Variants in FASTKD3 observed in about 807,000 individuals in gnomAD.
The protein encoded by FASTKD3 is FAST kinase domains 3.
In FASTKD3, 47 loss-of-function variants were observed where a neutral mutation model predicts 49.7. The observed-to-expected ratio is 0.95, with a 90% CI of 0.75 to 1.21. FASTKD3 has a LOEUF of 1.21. Ranked by LOEUF, FASTKD3 falls within the 50% of genes most tolerant of loss-of-function variation. FASTKD3 has a pLI of 0.00. For missense variants in FASTKD3, 748 were observed against 765.7 expected, an observed-to-expected ratio of 0.98 and a Z score of 0.27; for synonymous variants, 284 against 288.6, an observed-to-expected ratio of 0.98 and a Z score of 0.16.
At chr5:7,864,443 C>T in intron 3 of FASTKD3, among the ~76,000 whole-genome samples, 1 of 152,012 alleles carries the variant, frequency 6.6e-6, no homozygotes, top group Non-Finnish European at 1.5e-5. Context: ...GACTACAGAA[C>T]ATTTAAAAAT....
In FASTKD3 at chr5:7,860,794, T is replaced by C. The variant is rs187018665; in HGVS notation, c.1884+355A>G. Among the ~76,000 whole-genome samples the C allele has an allele frequency of 6.6e-5, 10 of 152,350 alleles. No homozygotes were observed. The East Asian group carries it at 1.9e-3, about 29-fold the overall frequency. On this transcript the variant is annotated intron_variant, in intron 6 of 6. Coordinates refer to ENST00000264669, the MANE Select transcript of FASTKD3 (RefSeq NM_024091.4). Reference sequence around the variant, plus strand: ...AAAATTTAACTTGGGCTATTTCTTGTAGAAGCTTCTACTACAGAAAAACAG... The same window carrying C: ...AAAATTTAACTTGGGCTATTTCTTGCAGAAGCTTCTACTACAGAAAAACAG...
chr5:7,861,092 A>C, intron 6 of FASTKD3, 57 bp downstream of exon 6: 1 of 1,054,290 alleles, frequency 9.5e-7, no homozygotes, highest in Non-Finnish European at 1.4e-6. Context: ...AACCTGGAAA[A>C]ATAATTTTGA....
Position 7,868,060 on chromosome 5 carries a change from C to T in FASTKD3, c.24G>A (p.Lys8=). The change falls in exon 2 of 7, where the codon AAG becomes AAA. Residue 8 remains lysine, a synonymous_variant. Coordinates refer to ENST00000264669, the MANE Select transcript of FASTKD3 (RefSeq NM_024091.4). The part of the protein sequence containing the change: MALITLR[K]NLYRLSDFQM... ...GAAAATCAGATAAACGATAAAGGTT[C>T]TTCCTCAAGGTGATTAATGCCATAC... is the stretch of plus-strand genomic sequence containing the variant. 2 of 1,611,038 alleles carry T rather than the reference C, an allele frequency of 1.2e-6. No individual in the cohort carries two copies. Among genetic ancestry groups the T allele is most frequent in the Non-Finnish European group, 1.7e-6 (2 of 1,179,014 alleles).
At position 7,867,612 on chromosome 5, in the gene FASTKD3, T is replaced by C; in HGVS notation, c.472A>G (p.Ile158Val). Residue 158 changes from isoleucine to valine, a missense_variant, in exon 2 of 7, where the codon ATC becomes GTC. Physicochemically the swap from Ile to Val is conservative, Grantham distance 29. Transcript: ENST00000264669. ...GLPKEILENS[I>V]FQALCFQFEK... is the part of the protein sequence containing the mutation. Reference sequence around the variant, plus strand: ...AACTGAAAGCATAAAGCTTGAAAGATGCTATTCTCCAGTATTTCTTTTGGC... The same window carrying C: ...AACTGAAAGCATAAAGCTTGAAAGACGCTATTCTCCAGTATTTCTTTTGGC... 1 of 1,614,254 alleles carries C rather than the reference T, an allele frequency of 6.2e-7. No homozygotes were observed. Among genetic ancestry groups the C allele is most frequent in the Admixed American group, 1.7e-5 (1 of 60,036 alleles).
chr5:7,867,342 A>G lies in FASTKD3; in HGVS notation c.742T>C (p.Leu248=), dbSNP rs776326249. 3.1e-6 allele frequency: 5 copies of G among 1,614,062 alleles called. No homozygotes were observed. Among genetic ancestry groups the G allele is most frequent in the Admixed American group, 3.3e-5 (2 of 60,026 alleles). Residue 248 remains leucine (L), a synonymous_variant, in exon 2 of 7, where the codon TTG becomes CTG. Transcript: ENST00000264669. The stretch of plus-strand genomic sequence containing the variant: ...ATATCCTCCGGGGTAAATGTTTCCA[A>G]TTTTTCACCTTGAAGTTGATTTATA... ...LIINQLQGEK[L]ETFTPEDIVA...
rs763580223 is a variant in FASTKD3, at chr5:7,866,620, A to G, written c.1438+26T>C. On this transcript the variant is annotated intron_variant, in intron 2 of 6. Coordinates refer to ENST00000264669, the MANE Select transcript of FASTKD3 (RefSeq NM_024091.4). ...CCAGTTCAAAGGTTACTTTTTTCCA[A>G]CTGTCAGAATTTATAACCAACTCAC... The G allele has an allele frequency of 2.6e-6, 4 of 1,517,694 alleles. 1 individual carries two copies. In the South Asian group the frequency reaches 3.9e-5, roughly 15 times the overall value. 94.0% of individuals were successfully genotyped at this position (1,517,694 alleles called of 1,614,324 possible). A position where few individuals can be genotyped will look rare whatever the true frequency, so the allele number is the denominator to read the frequency against.
chr5:7,860,552 ATTCTGTAT>A (rs760040598), intron 6 of FASTKD3, among the ~76,000 whole-genome samples: 1 of 152,196 alleles, frequency 6.6e-6, no homozygotes, highest in Admixed American at 6.5e-5. Context: ...AGCTCTGAAA[ATTCTGTAT>A]TTCAAAATAT....
chr5:7,862,875 T>C lies in FASTKD3; in HGVS notation c.1647A>G (p.Gly549=), dbSNP rs1033040763. The part of the protein sequence containing the change: ...YVKIGLTNLL[G]ARLYFAPKVL... The stretch of plus-strand genomic sequence containing the variant: ...CTTTTGGAGCAAAATATAATCTTGC[T>C]CCTAAAAGGTTAGTCAGCCCAATCT... Residue 549 remains glycine, a synonymous_variant, in exon 4 of 7, where the codon GGA becomes GGG. Transcript: ENST00000264669. 18 of 1,613,892 alleles carry C rather than the reference T, an allele frequency of 1.1e-5. No individual in the cohort carries two copies. The African/African-American group carries it at 1.6e-4, about 14-fold the overall frequency.
At position 7,859,243 on chromosome 5, in the gene FASTKD3, TATTAA is replaced by T. The variant is rs770372221; in HGVS notation, c.*187_*191del. The T allele has an allele frequency of 1.1e-5, 4 of 372,028 alleles. No homozygotes were observed. The highest frequency in any genetic ancestry group is 1.4e-5 in the Non-Finnish European group (3 of 209,702). 23.0% of individuals were successfully genotyped at this position (372,028 alleles called of 1,614,324 possible). A position where few individuals can be genotyped will look rare whatever the true frequency, so the allele number is the denominator to read the frequency against. On this transcript the variant is annotated 3_prime_UTR_variant, in exon 7 of 7. Coordinates refer to ENST00000264669, the MANE Select transcript of FASTKD3 (RefSeq NM_024091.4). ...GTACAAAAAGTATCTATGACACTAGTATTAAATTAAAATTAATTTTAAATTTTACC... is the reference window on the plus strand; with the variant it reads ...GTACAAAAAGTATCTATGACACTAGTATTAAAATTAATTTTAAATTTTACC...
intron 3 of FASTKD3, 32 bp downstream of exon 3, chr5:7,865,866 G>T: frequency 1.3e-6 from 2 of 1,524,412 alleles, no homozygotes; most frequent in Non-Finnish European, 9.1e-7. Flanking sequence ...CACCCATGGG[G>T]AAATAAAGCC....
In FASTKD3 at chr5:7,866,292, AG is replaced by A. The variant is rs376919617; in HGVS notation, c.1439-310del. Reference sequence around the variant, plus strand: ...GACATATTTGGGTGGCCTTGAATTAAGATGAATAATACCATCCTCTCAAAAA... The same window carrying A: ...GACATATTTGGGTGGCCTTGAATTAAATGAATAATACCATCCTCTCAAAAA... On this transcript the variant is annotated intron_variant, in intron 2 of 6. Transcript: ENST00000264669. 6.2e-5 allele frequency among the ~76,000 whole-genome samples: 9 copies of A among 146,276 alleles called. No homozygotes were observed. In the East Asian group the frequency reaches 1.8e-3, roughly 29 times the overall value.
At chr5:7,862,555 A>T (rs989438376) in intron 4 of FASTKD3, among the ~76,000 whole-genome samples, 3 of 152,066 alleles carry the variant, frequency 2.0e-5, no homozygotes, top group African/African-American at 7.2e-5. Flanking sequence ...TGAGGTCAAT[A>T]TTACTATCAT....
At chr5:7,860,795 A>C (rs7716373) in intron 6 of FASTKD3, among the ~76,000 whole-genome samples, 22,466 of 152,258 alleles carry the variant, frequency 0.15, 1,995 homozygotes, top group Non-Finnish European at 0.21. Context: ...TATTTCTTGT[A>C]GAAGCTTCTA....
intron 4 of FASTKD3, chr5:7,861,876 A>C: frequency 1.2e-6 from 1 of 856,224 alleles, no homozygotes; most frequent in Non-Finnish European, 1.6e-6. Flanking sequence ...AATAACGCTA[A>C]ACCACAGAAT....
chr5:7,867,409 C>G lies in FASTKD3; in HGVS notation c.675G>C (p.Leu225=), dbSNP rs1309612220. ...CACAACCTGAACTGTGCAGTGTAATCAGACTTTCCCCAAGAATACAAAGAT... is the reference window on the plus strand; with the variant it reads ...CACAACCTGAACTGTGCAGTGTAATGAGACTTTCCCCAAGAATACAAAGAT... The part of the protein sequence containing the change: ...VRNLCILGES[L]ITLHSSGCVT... The change falls in exon 2 of 7, where the codon CTG becomes CTC. Residue 225 remains leucine, a synonymous_variant. Transcript: ENST00000264669. The G allele has an allele frequency of 6.2e-7, 1 of 1,614,078 alleles. No individual in the cohort carries two copies. The highest frequency in any genetic ancestry group is 8.5e-7 in the Non-Finnish European group (1 of 1,180,054).
intron 6 of FASTKD3, among the ~76,000 whole-genome samples, chr5:7,859,743 T>C (rs1746396109): frequency 6.6e-6 from 1 of 152,204 alleles, no homozygotes; most frequent in Admixed American, 6.5e-5. Flanking sequence ...TGGTAAATAT[T>C]TGATGAATTA....
chr5:7,867,648 C>G lies in FASTKD3; in HGVS notation c.436G>C (p.Asp146His). ...RICEVEKKDG[D>H]QGLPKEILEN... ...AGTATTTCTTTTGGCAGCCCTTGAT[C>G]ACCATCCTTTTTTTCCACTTCACAA... Residue 146 changes from aspartate (D) to histidine (H), a missense_variant, in exon 2 of 7, where the codon GAT (aspartate) becomes CAT (histidine). By Grantham distance (81) the Asp-to-His change is moderately conservative. Around this residue, in one of 3 missense-constraint regions of FASTKD3, gnomAD observed 564 missense variants for 562.8 expected, o/e 1.00. Transcript: ENST00000264669. 6.2e-7 allele frequency: 1 copy of G among 1,614,212 alleles called. No individual in the cohort carries two copies. The highest frequency in any genetic ancestry group is 8.5e-7 in the Non-Finnish European group (1 of 1,180,044).
chr5:7,865,151 G>A (rs1746851989), intron 3 of FASTKD3, among the ~76,000 whole-genome samples: 1 of 152,090 alleles, frequency 6.6e-6, no homozygotes, highest in African/African-American at 2.4e-5. Context: ...CAGTGTTTAT[G>A]TATCTGTATA....
At chr5:7,868,850 C>G in intron 1 of FASTKD3, 129 bp downstream of exon 1, 1 of 538,030 alleles carries the variant, frequency 1.9e-6, no homozygotes. Context: ...GGGGCGAGCA[C>G]CCCCAAACTC....
Sources: gnomAD v4.1 joint callset for allele counts (sites outside exome capture counted in the v4.1 genomes callset) on GRCh38, gnomAD v4.1.1 for gene constraint, gnomAD v4.1.1 regional missense constraint, MANE v1.5 for transcripts, NCBI Gene and HGNC (gene_info 2026-07-23, HGNC 2026-07-21) for gene names.